Variants in DIP2C observed in about 807,000 individuals in gnomAD.
The protein encoded by DIP2C is disco-interacting protein 2 homolog C.
Under a neutral mutation model 192.4 loss-of-function variants are expected in DIP2C, and 33 were observed. The observed-to-expected ratio is 0.17, with a 90% CI of 0.13 to 0.23. The LOEUF (loss-of-function observed/expected upper bound fraction) is 0.23, where lower values mean the gene tolerates loss of function less well. Ranked by LOEUF, DIP2C falls within the 10% of genes least tolerant of loss-of-function variation. The pLI is 1.00. For missense variants in DIP2C, 1,537 were observed against 2,110.1 expected (o/e 0.73, Z 5.32); for synonymous variants, 979 against 864.1 (o/e 1.13, Z -2.33).
chr10:549,476 A>G (rs1848477859), intron 1 of DIP2C, among the ~76,000 whole-genome samples: 1 of 152,292 alleles, frequency 6.6e-6, no homozygotes, highest in African/African-American at 2.4e-5. Flanking sequence ...GACGAGACCA[A>G]TGAGCTTCAC....
intron 1 of DIP2C, among the ~76,000 whole-genome samples, chr10:529,235 C>A (rs1014329333): frequency 4.6e-5 from 7 of 152,154 alleles, no homozygotes; most frequent in Admixed American, 3.3e-4. Context: ...GTACAGTGAG[C>A]ACTTATGGAC....
intron 1 of DIP2C, among the ~76,000 whole-genome samples, chr10:598,091 C>T (rs921303636): frequency 5.9e-5 from 9 of 152,236 alleles, no homozygotes; most frequent in Admixed American, 3.9e-4. Context: ...CTGCAGGACA[C>T]GCGTGGACAA....
chr10:491,672 T>TA (rs535848338), intron 1 of DIP2C, among the ~76,000 whole-genome samples: 72 of 152,342 alleles, frequency 4.7e-4, no homozygotes, highest in Non-Finnish European at 8.4e-4. Flanking sequence ...AGCACCTATC[T>TA]ACTTGCTGCC....
At chr10:585,295 C>G (rs1198047157) in intron 1 of DIP2C, among the ~76,000 whole-genome samples, 1 of 152,250 alleles carries the variant, frequency 6.6e-6, no homozygotes, top group Admixed American at 6.5e-5. Flanking sequence ...ATCGCCCTCA[C>G]AAGCTGGAAA....
intron 13 of DIP2C, among the ~76,000 whole-genome samples, chr10:388,264 G>A (rs1016235507): frequency 2.6e-5 from 4 of 152,214 alleles, no homozygotes; most frequent in African/African-American, 9.6e-5. Context: ...AATAAAAAAA[G>A]GAGGCACTGC....
At chr10:334,304 CAAAAAAA>C (rs35031456) in intron 29 of DIP2C, among the ~76,000 whole-genome samples, 4 of 82,416 alleles carry the variant, frequency 4.9e-5, no homozygotes, top group Non-Finnish European at 8.4e-5. Flanking sequence ...AAGACTGTCT[CAAAAAAA>C]AAAAAAAAAA....
At chr10:545,166 C>CCCTTTTTTTTTTTTT (rs1554896881) in intron 1 of DIP2C, among the ~76,000 whole-genome samples, 6 of 86,336 alleles carry the variant, frequency 6.9e-5, no homozygotes, top group African/African-American at 1.1e-4. Flanking sequence ...GGTGTTTTCC[C>CCCTTTTTTTTTTTTT]TTTTTTTTTT....
intron 3 of DIP2C, among the ~76,000 whole-genome samples, chr10:441,681 T>C (rs1967747137): frequency 6.6e-6 from 1 of 152,242 alleles, no homozygotes; most frequent in African/African-American, 2.4e-5. Context: ...ACCATGATTC[T>C]GAGGCCTCCC....
At chr10:414,959 C>A (rs140805217) in intron 7 of DIP2C, among the ~76,000 whole-genome samples, 24 of 141,376 alleles carry the variant, frequency 1.7e-4, no homozygotes, top group African/African-American at 5.6e-4. Flanking sequence ...CCAGGCTGGT[C>A]TCGAACTCCC....
At chr10:357,801 G>T in intron 23 of DIP2C, 27 bp downstream of exon 23, 1 of 1,571,990 alleles carries the variant, frequency 6.4e-7, no homozygotes, top group Non-Finnish European at 8.7e-7. Flanking sequence ...GGGGACGGTC[G>T]GGGAGACTCA....
intron 31 of DIP2C, among the ~76,000 whole-genome samples, chr10:321,438 T>C (rs1162586010): frequency 6.6e-6 from 1 of 152,182 alleles, no homozygotes; most frequent in Non-Finnish European, 1.5e-5. Flanking sequence ...ACAATGTTCT[T>C]TGCTGAGTTT....
At chr10:388,362 A>G (rs1234429560) in intron 13 of DIP2C, among the ~76,000 whole-genome samples, 1 of 152,240 alleles carries the variant, frequency 6.6e-6, no homozygotes, top group African/African-American at 2.4e-5. Flanking sequence ...GATGAGGTTT[A>G]CCATCACAGA....
In DIP2C at chr10:291,819, C is replaced by A. The variant is rs1208731157; in HGVS notation, c.3987-3398G>T. ...GTTATTAACACTTCTCAGTTAGAAC[C>A]AGGTTGTAAGGTTAACACCAAGGCG... On this transcript the variant is annotated intron_variant, in intron 32 of 36. Coordinates refer to ENST00000280886, the MANE Select transcript of DIP2C (RefSeq NM_014974.3). 3.3e-5 allele frequency among the ~76,000 whole-genome samples: 5 copies of A among 152,198 alleles called. No homozygotes were observed. The South Asian group carries it at 1.0e-3, about 32-fold the overall frequency.
rs573256738 is a variant in DIP2C at position 356,495 on chromosome 10, G to A, written c.2916C>T (p.Leu972=). The A allele has an allele frequency of 1.1e-4, 184 of 1,612,096 alleles. 2 individuals carry two copies. In the South Asian group the frequency reaches 1.8e-3, roughly 15 times the overall value. The part of the protein sequence containing the change: ...DNDQARKFLF[L]SEVLQWRAQT... ...GTGCTCTCCACTGCAAGACCTCTGAGAGGAACAGGAACTGGAACAGAGCAC... is the reference window on the plus strand; with the variant it reads ...GTGCTCTCCACTGCAAGACCTCTGAAAGGAACAGGAACTGGAACAGAGCAC... Residue 972 remains leucine, a synonymous_variant, in exon 24 of 37, where the codon CTC becomes CTT. Coordinates refer to ENST00000280886, the MANE Select transcript of DIP2C (RefSeq NM_014974.3).
intron 24 of DIP2C, among the ~76,000 whole-genome samples, chr10:349,681 G>C (rs759123712): frequency 6.6e-6 from 1 of 152,194 alleles, no homozygotes; most frequent in Non-Finnish European, 1.5e-5. Flanking sequence ...AACTAGGTAA[G>C]CAGTGCAGAC....
intron 1 of DIP2C, among the ~76,000 whole-genome samples, chr10:671,847 G>A (rs1205530054): frequency 2.2e-5 from 3 of 138,814 alleles, no homozygotes; most frequent in Non-Finnish European, 4.6e-5. Flanking sequence ...ACGGAAGGAG[G>A]AAACAGGCCA....
chr10:622,166 C>T (rs893742860), intron 1 of DIP2C, among the ~76,000 whole-genome samples: 11 of 150,228 alleles, frequency 7.3e-5, no homozygotes, highest in Admixed American at 4.6e-4. Flanking sequence ...GCTGCCAAGT[C>T]GCAGCTGTTG....
At chr10:388,177 G>T (rs891088962) in intron 13 of DIP2C, among the ~76,000 whole-genome samples, 1 of 152,128 alleles carries the variant, frequency 6.6e-6, no homozygotes, top group Non-Finnish European at 1.5e-5. Context: ...TGCCCTCTGC[G>T]CACAGAGGAG....
intron 1 of DIP2C, among the ~76,000 whole-genome samples, chr10:574,006 C>CA (rs1689559161): frequency 6.6e-6 from 1 of 152,174 alleles, no homozygotes. Flanking sequence ...TCAACGGGAA[C>CA]ACTTTATTCT....
Sources: gnomAD v4.1 joint callset for allele counts (sites outside exome capture counted in the v4.1 genomes callset) on GRCh38, gnomAD v4.1.1 for gene constraint, MANE v1.5 for transcripts, NCBI Gene and HGNC (gene_info 2026-07-23, HGNC 2026-07-21) for gene names.